DHDH: variants seen among roughly 807,000 people sequenced by gnomAD.
DHDH encodes dihydrodiol dehydrogenase.
Under a neutral mutation model 33.2 loss-of-function variants are expected in DHDH, and 29 were observed. The ratio of observed to expected loss-of-function variants is 0.87; its 90% CI spans 0.65 to 1.19. The LOEUF (loss-of-function observed/expected upper bound fraction) is 1.19, where lower values mean the gene tolerates loss of function less well. Ranked by LOEUF, DHDH falls within the 50% of genes most tolerant of loss-of-function variation. The pLI, the probability that DHDH is intolerant of heterozygous loss-of-function variation, is 0.00. For synonymous variants in DHDH, 201 were observed against 187.9 expected (o/e 1.07, Z -0.57); for missense variants, 431 against 455.0 (o/e 0.95, Z 0.48).
chr19:48,944,234 G>C, intron 5 of DHDH, 123 bp from the exon 6 acceptor site: 1 of 1,352,438 alleles, frequency 7.4e-7, no homozygotes, highest in Non-Finnish European at 1.0e-6. Flanking sequence ...GGGATGGACA[G>C]GGCAAGCTCT....
chr19:48,936,919 G>A (rs1231892894), intron 3 of DHDH, among the ~76,000 whole-genome samples: 1 of 151,064 alleles, frequency 6.6e-6, no homozygotes, highest in Non-Finnish European at 1.5e-5. Flanking sequence ...AAGTAGCTGG[G>A]ACTACAGGCG....
At position 48,936,114 on chromosome 19, in the gene DHDH, C is replaced by G. The variant is rs762868110; in HGVS notation, c.285C>G (p.Cys95Trp). 1 of 1,611,286 alleles carries G rather than the reference C, an allele frequency of 6.2e-7. No individual in the cohort carries two copies. Residue 95 changes from cysteine (C) to tryptophan (W), a missense_variant, in exon 3 of 7, where the codon TGC becomes TGG. Cys to Trp is a radical substitution (Grantham distance 215). Coordinates refer to ENST00000221403, the MANE Select transcript of DHDH (RefSeq NM_014475.4). ...LCLAAGKAVLCEKPTGVNAAE... is the reference protein window; with the variant it reads ...LCLAAGKAVLWEKPTGVNAAE... ...TGGCGGCGGGCAAGGCCGTTCTGTG[C>G]GAGAAGCCCACGGGCGTGAACGCGG...
Position 48,935,079 on chromosome 19 carries a change from C to T in DHDH, c.170C>T (p.Ser57Phe), listed in dbSNP as rs140573302. 1.2e-4 allele frequency: 195 copies of T among 1,587,642 alleles called. No individual in the cohort carries two copies. Among genetic ancestry groups the T allele is most frequent in the Non-Finnish European group, 1.6e-4 (187 of 1,169,330 alleles). ...CACGACATCCCCAAGGCCTACGGCT[C>T]CTATGAGGAGCTGGCCAAGGACCCG... ...QKHDIPKAYG[S>F]YEELAKDPSV... The change falls in exon 2 of 7, where the codon TCC becomes TTC. Residue 57 changes from serine to phenylalanine, a missense_variant. By Grantham distance (155) the Ser-to-Phe change is radical. Coordinates refer to ENST00000221403, the MANE Select transcript of DHDH (RefSeq NM_014475.4).
At chr19:48,940,414 C>T (rs34420660) in intron 4 of DHDH, among the ~76,000 whole-genome samples, 4 of 151,434 alleles carry the variant, frequency 2.6e-5, no homozygotes, top group African/African-American at 9.8e-5. Flanking sequence ...TTCCACTCAG[C>T]TGGAAAGTAT....
intron 2 of DHDH, among the ~76,000 whole-genome samples, chr19:48,935,694 G>A (rs1438184097): frequency 2.0e-5 from 3 of 151,416 alleles, no homozygotes; most frequent in Non-Finnish European, 4.4e-5. Flanking sequence ...GCGGGCGCCT[G>A]TAGTCCCAGC....
chr19:48,944,069 T>G (rs139662530), intron 5 of DHDH, among the ~76,000 whole-genome samples: 93 of 152,150 alleles, frequency 6.1e-4, no homozygotes, highest in Middle Eastern at 6.8e-3. Context: ...AGATAAGCCC[T>G]CCTCTCTAGA....
At chr19:48,935,977 G>C in intron 2 of DHDH, 55 bp from the exon 3 acceptor site, 13 of 1,551,618 alleles carry the variant, frequency 8.4e-6, no homozygotes, top group Non-Finnish European at 9.6e-6. Flanking sequence ...TGTGGGCGGA[G>C]CTCGGCTGTC....
At position 48,944,624 on chromosome 19, in the gene DHDH, C is replaced by G. The variant is rs867507975; in HGVS notation, c.895+117C>G. On this transcript the variant is annotated intron_variant, in intron 6 of 6. Transcript: ENST00000221403. ...CATCTCCCAGGAGGTTGCAGTGAGCCGAGATTGCACCACTGCACTCCAGCC... is the reference window on the plus strand; with the variant it reads ...CATCTCCCAGGAGGTTGCAGTGAGCGGAGATTGCACCACTGCACTCCAGCC... 2.3e-4 allele frequency: 332 copies of G among 1,437,066 alleles called. 2 individuals carry two copies. Among genetic ancestry groups the G allele is most frequent in the Middle Eastern group, 1.4e-3 (6 of 4,342 alleles). The allele number at this position is 1,437,066 out of a possible 1,614,324, so 89.0% of individuals were successfully genotyped here. A position where few individuals can be genotyped will look rare whatever the true frequency, so the allele number is the denominator to read the frequency against.
chr19:48,940,321 C>T (rs908797643), intron 4 of DHDH, among the ~76,000 whole-genome samples: 8 of 151,514 alleles, frequency 5.3e-5, no homozygotes, highest in African/African-American at 1.9e-4. Context: ...CGTCACTGTA[C>T]TCTAGCCTGG....
chr19:48,942,356 G>T (rs1401036348), intron 4 of DHDH, 84 bp from the exon 5 acceptor site: 23 of 1,377,712 alleles, frequency 1.7e-5, no homozygotes, highest in East Asian at 5.1e-5. Context: ...CTTGCCCAAG[G>T]TTCCACAGGC....
At chr19:48,943,719 A>G (rs1212871086) in intron 5 of DHDH, among the ~76,000 whole-genome samples, 1 of 151,764 alleles carries the variant, frequency 6.6e-6, no homozygotes, top group Admixed American at 6.6e-5. Context: ...CCAGCTACTC[A>G]GGAGGCTGAG....
intron 1 of DHDH, 134 bp from the exon 2 acceptor site, chr19:48,934,866 G>A (rs2037749269): frequency 1.7e-5 from 10 of 585,758 alleles, no homozygotes; most frequent in Non-Finnish European, 2.8e-5. Flanking sequence ...GGGCCCAAAT[G>A]TCCAGCCCCC....
Position 48,935,130 on chromosome 19 carries a change from G to A in DHDH, c.202+19G>A. The stretch of plus-strand genomic sequence containing the variant: ...AGCGTGGGTGAGTGGCGAGGGCGAT[G>A]GGGGTGCTGGCCGCCGCCCCTGGAG... On this transcript the variant is annotated intron_variant, in intron 2 of 6. Coordinates refer to ENST00000221403, the MANE Select transcript of DHDH (RefSeq NM_014475.4). 6.6e-7 allele frequency: 1 copy of A among 1,526,680 alleles called. No individual in the cohort carries two copies. Among genetic ancestry groups the A allele is most frequent in the Non-Finnish European group, 8.8e-7 (1 of 1,137,830 alleles). 94.6% of individuals were successfully genotyped at this position (1,526,680 alleles called of 1,614,324 possible). A position where few individuals can be genotyped will look rare whatever the true frequency, so the allele number is the denominator to read the frequency against.
rs1205384516 is a variant in DHDH at position 48,939,638 on chromosome 19, T to G, written c.556T>G (p.Ser186Ala). The change falls in exon 4 of 7, where the codon TCC becomes GCC. Residue 186 changes from serine (S) to alanine (A), a missense_variant. Transcript: ENST00000221403. ...DIGIYCVQFT[S>A]MVFGGQKPEK... ...CGGCATCTACTGTGTCCAGTTCACC[T>G]CCATGGTCTTTGGAGGGCAGAAGCC... is the stretch of plus-strand genomic sequence containing the variant. 1 of 1,613,364 alleles carries G rather than the reference T, an allele frequency of 6.2e-7. No individual in the cohort carries two copies. Among genetic ancestry groups the G allele is most frequent in the Non-Finnish European group, 8.5e-7 (1 of 1,179,418 alleles).
In DHDH at chr19:48,942,510, C is replaced by G; in HGVS notation, c.690C>G (p.Ile230Met). The change falls in exon 5 of 7, where the codon ATC becomes ATG. Residue 230 changes from isoleucine (I) to methionine (M), a missense_variant. Coordinates refer to ENST00000221403, the MANE Select transcript of DHDH (RefSeq NM_014475.4). ...GEVHGSFTCS[I>M]TVQLSNTASV... ...TCCATGGCAGCTTCACCTGCAGCAT[C>G]ACCGTGCAGCTCTCCAACACGGCCT... 1.2e-6 allele frequency: 2 copies of G among 1,613,874 alleles called. No homozygotes were observed. Among genetic ancestry groups the G allele is most frequent in the Non-Finnish European group, 1.7e-6 (2 of 1,179,932 alleles).
intron 3 of DHDH, among the ~76,000 whole-genome samples, chr19:48,936,711 C>CAAAAAAAAAAAAAAAAA (rs201495339): frequency 2.3e-5 from 2 of 87,482 alleles, no homozygotes; most frequent in Non-Finnish European, 2.9e-5. Context: ...AGAAAAAAAA[C>CAAAAAAAAAAAAAAAAA]AAACAAAAAA....
At chr19:48,939,105 C>T (rs968911956) in intron 3 of DHDH, among the ~76,000 whole-genome samples, 2 of 151,954 alleles carry the variant, frequency 1.3e-5, no homozygotes, top group East Asian at 3.9e-4. Flanking sequence ...CACAATTCAT[C>T]CCATAACATG....
At chr19:48,933,190 G>C (rs2037726658), upstream of DHDH, among the ~76,000 whole-genome samples, 4 of 152,152 alleles carry the variant, frequency 2.6e-5, no homozygotes, top group Admixed American at 2.6e-4. Flanking sequence ...GGTCTGCGGG[G>C]AGAAATTAGG....
intron 6 of DHDH, 72 bp from the exon 7 acceptor site, chr19:48,944,752 T>A: frequency 7.2e-7 from 1 of 1,392,070 alleles, no homozygotes; most frequent in South Asian, 1.2e-5. Context: ...CCACATGGAA[T>A]TCTGGGAATT....
Sources: allele counts gnomAD v4.1 joint callset (sites outside exome capture counted in the v4.1 genomes callset), GRCh38; gene constraint gnomAD v4.1.1; transcripts MANE v1.5; gene names NCBI Gene and HGNC (gene_info 2026-07-23, HGNC 2026-07-21).